TCF4: variants seen among roughly 807,000 people sequenced by gnomAD.
TCF4 encodes the protein SL3-3 enhancer factor 2.
TCF4 carries 3 observed loss-of-function variants against 82.1 expected under a neutral mutation model. The ratio of observed to expected loss-of-function variants is 0.04; its 90% confidence interval spans 0.02 to 0.09. The LOEUF (loss-of-function observed/expected upper bound fraction) is 0.09. TCF4 is among the 10% of genes least tolerant of loss of function. TCF4 has a pLI of 1.00. For missense variants in TCF4, 518 were observed against 852.7 expected, an observed-to-expected ratio of 0.61 and a Z score of 4.89; for synonymous variants, 276 against 309.6, an observed-to-expected ratio of 0.89 and a Z score of 1.14.
chr18:55,381,624 T>C (rs759766185), intron 6 of TCF4, among the ~76,000 whole-genome samples: 4 of 152,238 alleles, frequency 2.6e-5, no homozygotes, highest in Non-Finnish European at 4.4e-5. Flanking sequence ...AAGTGTAGCA[T>C]TCAGAAATAC....
At chr18:55,323,859 G>A (rs2076123190) in intron 8 of TCF4, among the ~76,000 whole-genome samples, 1 of 152,158 alleles carries the variant, frequency 6.6e-6, no homozygotes, top group Non-Finnish European at 1.5e-5. Flanking sequence ...CTTTCCATGG[G>A]TAGACTGCTA....
At chr18:55,464,013 T>C in intron 4 of TCF4, 63 bp downstream of exon 4, 1 of 1,426,390 alleles carries the variant, frequency 7.0e-7, no homozygotes, top group Non-Finnish European at 9.9e-7. Flanking sequence ...AAACACACCT[T>C]CTGTTTGTCA....
chr18:55,236,548 C>T (rs1354091589), intron 15 of TCF4, among the ~76,000 whole-genome samples: 1 of 152,012 alleles, frequency 6.6e-6, no homozygotes, highest in Non-Finnish European at 1.5e-5. Flanking sequence ...CAGACCACGC[C>T]CACCTGCTCC....
At chr18:55,459,841 T>C (rs970181533) in intron 5 of TCF4, among the ~76,000 whole-genome samples, 3 of 152,166 alleles carry the variant, frequency 2.0e-5, no homozygotes, top group Non-Finnish European at 4.4e-5. Context: ...GAACATTCTA[T>C]GACCAAAACC....
At chr18:55,580,312 G>A (rs1424067308) in intron 3 of TCF4, among the ~76,000 whole-genome samples, 1 of 151,888 alleles carries the variant, frequency 6.6e-6, no homozygotes, top group Non-Finnish European at 1.5e-5. Flanking sequence ...ATCTAACAAC[G>A]AACTGCAAAA....
At chr18:55,403,652 G>C in intron 5 of TCF4, 134 bp from the exon 6 acceptor site, 1 of 1,589,274 alleles carries the variant, frequency 6.3e-7, no homozygotes, top group Non-Finnish European at 8.6e-7. Flanking sequence ...ATGTATGCAA[G>C]CAAGAGAGGG....
At chr18:55,228,091 T>TC in intron 19 of TCF4, 61 bp from the exon 20 acceptor site, 1 of 1,236,504 alleles carries the variant, frequency 8.1e-7, no homozygotes, top group African/African-American at 1.5e-5. Context: ...AAAAGTATGC[T>TC]TTTTTTAAAA....
chr18:55,354,089 T>G (rs1274302061), intron 6 of TCF4, among the ~76,000 whole-genome samples: 1 of 152,176 alleles, frequency 6.6e-6, no homozygotes, highest in Non-Finnish European at 1.5e-5. Flanking sequence ...TAGTTTAGCA[T>G]TTTGCTTAAC....
upstream of TCF4, chr18:55,588,488 G>A (rs1411026769): frequency 6.5e-7 from 1 of 1,534,950 alleles, no homozygotes. Context: ...TCCTCAGATC[G>A]TCAGTTACAA....
At chr18:55,374,720 C>T (rs919243441) in intron 6 of TCF4, among the ~76,000 whole-genome samples, 22 of 151,648 alleles carry the variant, frequency 1.5e-4, no homozygotes, top group East Asian at 5.8e-4. Flanking sequence ...AGCAACATGG[C>T]GAAACTCCGC....
chr18:55,607,628 T>C (rs1309508962), intron 2 of TCF4, among the ~76,000 whole-genome samples: 1 of 152,224 alleles, frequency 6.6e-6, no homozygotes, highest in Non-Finnish European at 1.5e-5. Flanking sequence ...CATATGCCAC[T>C]GTTCACACGT....
chr18:55,438,330 T>C (rs992838820), intron 5 of TCF4, among the ~76,000 whole-genome samples: 6 of 71,068 alleles, frequency 8.4e-5, no homozygotes, highest in Admixed American at 4.6e-4. Flanking sequence ...GGTATTGCTA[T>C]GATTATAGTT....
intron 3 of TCF4, among the ~76,000 whole-genome samples, chr18:55,516,108 C>T (rs918965642): frequency 4.6e-5 from 7 of 152,000 alleles, no homozygotes; most frequent in Admixed American, 2.0e-4. Context: ...TGTGTAACAG[C>T]GATCATTCAG....
chr18:55,425,528 CAG>C (rs1355825973), intron 5 of TCF4, among the ~76,000 whole-genome samples: 4 of 139,888 alleles, frequency 2.9e-5, no homozygotes, highest in African/African-American at 1.0e-4. Context: ...AAAAAAAAAA[CAG>C]AAAACATATT....
chr18:55,455,171 C>T (rs1484776610), intron 5 of TCF4, among the ~76,000 whole-genome samples: 9 of 109,040 alleles, frequency 8.3e-5, no homozygotes, highest in Non-Finnish European at 1.5e-4. Flanking sequence ...CAGAGAGAGA[C>T]TCTGTCTCAA....
At chr18:55,236,836 T>C (rs1429508550) in intron 15 of TCF4, among the ~76,000 whole-genome samples, 3 of 152,350 alleles carry the variant, frequency 2.0e-5, no homozygotes, top group South Asian at 4.1e-4. Flanking sequence ...GGATCTAATT[T>C]CTTGAATTTC....
intron 15 of TCF4, among the ~76,000 whole-genome samples, chr18:55,253,239 T>C (rs1308166657): frequency 6.6e-6 from 1 of 152,212 alleles, no homozygotes; most frequent in Non-Finnish European, 1.5e-5. Flanking sequence ...AGGAGAATAC[T>C]ACTGAGCAAG....
intron 6 of TCF4, among the ~76,000 whole-genome samples, chr18:55,354,249 C>T (rs2082948822): frequency 1.3e-5 from 2 of 152,162 alleles, no homozygotes; most frequent in Admixed American, 6.5e-5. Flanking sequence ...GCAGCCAATT[C>T]CCCTGCAAAT....
chr18:55,480,306 C>CG (rs1042740276), intron 3 of TCF4, among the ~76,000 whole-genome samples: 4 of 39,190 alleles, frequency 1.0e-4, no homozygotes. Context: ...AGCGGGGGGG[C>CG]GGGGGGAGGA....
Sources: gnomAD v4.1 joint callset for allele counts (sites outside exome capture counted in the v4.1 genomes callset) on GRCh38, gnomAD v4.1.1 for gene constraint, MANE v1.5 for transcripts, NCBI Gene and HGNC (gene_info 2026-07-23, HGNC 2026-07-21) for gene names.